EPHB1: variants seen among roughly 807,000 people sequenced by gnomAD.
EPHB1 encodes ephrin type-B receptor 1.
Under a neutral mutation model 94.4 loss-of-function variants are expected in EPHB1, and 30 were observed. That is an observed-to-expected ratio of 0.32 (90% confidence interval 0.24 to 0.43). The LOEUF is 0.43. Among genes scored for constraint, EPHB1 ranks in the 20% least tolerant of loss-of-function variants. The pLI is 1.00. For missense variants in EPHB1, 1,055 were observed against 1,308.3 expected, an observed-to-expected ratio of 0.81 and a Z score of 2.99; for synonymous variants, 522 against 489.1, an observed-to-expected ratio of 1.07 and a Z score of -0.89.
intron 1 of EPHB1, among the ~76,000 whole-genome samples, chr3:134,893,719 C>G (rs1385272942): frequency 6.6e-6 from 1 of 152,214 alleles, no homozygotes; most frequent in Non-Finnish European, 1.5e-5. Context: ...CAAACCAGGG[C>G]CCCCATTATC....
At chr3:135,035,650 A>G (rs945604414) in intron 3 of EPHB1, among the ~76,000 whole-genome samples, 5 of 152,110 alleles carry the variant, frequency 3.3e-5, no homozygotes, top group African/African-American at 1.2e-4. Context: ...ACTCATTTTC[A>G]TGGGTCTGGC....
At chr3:134,956,726 A>G (rs1002495272) in intron 3 of EPHB1, among the ~76,000 whole-genome samples, 2 of 152,126 alleles carry the variant, frequency 1.3e-5, no homozygotes, top group African/African-American at 4.8e-5. Context: ...GTGTGTGAAA[A>G]TGGATATGAG....
At chr3:134,938,476 C>T (rs192202163) in intron 2 of EPHB1, among the ~76,000 whole-genome samples, 98 of 152,298 alleles carry the variant, frequency 6.4e-4, no homozygotes, top group African/African-American at 2.2e-3. Context: ...CAGGGCCTTC[C>T]GATGGTAGGC....
At chr3:134,929,286 A>G (rs548723177) in intron 2 of EPHB1, among the ~76,000 whole-genome samples, 1 of 152,272 alleles carries the variant, frequency 6.6e-6, no homozygotes, top group East Asian at 1.9e-4. Flanking sequence ...ATGAGGTTGG[A>G]AGTGAGGTTT....
chr3:135,090,928 G>A (rs933351949), intron 3 of EPHB1, among the ~76,000 whole-genome samples: 1 of 152,192 alleles, frequency 6.6e-6, no homozygotes, highest in African/African-American at 2.4e-5. Context: ...GGAGAAGCTG[G>A]AAATTCCACT....
rs1372270108 is a variant in EPHB1, at chr3:135,201,489, T to C, written c.2146T>C (p.Phe716Leu). 6.2e-7 allele frequency: 1 copy of C among 1,613,936 alleles called. No individual in the cohort carries two copies. Among genetic ancestry groups the C allele is most frequent in the Admixed American group, 1.7e-5 (1 of 60,006 alleles). The change falls in exon 12 of 16, where the codon TTC becomes CTC. Residue 716 changes from phenylalanine to leucine, a missense_variant. Transcript: ENST00000398015. Reference sequence around the variant, plus strand: ...CTTATTACAGCAAAATGACGGGCAGTTCACCGTGATCCAGCTTGTGGGTAT... The same window carrying C: ...CTTATTACAGCAAAATGACGGGCAGCTCACCGTGATCCAGCTTGTGGGTAT... ...DSFLRQNDGQFTVIQLVGMLR... is the reference protein window; with the variant it reads ...DSFLRQNDGQLTVIQLVGMLR...
intron 12 of EPHB1, among the ~76,000 whole-genome samples, chr3:135,239,447 G>A (rs1042985654): frequency 4.6e-5 from 7 of 152,134 alleles, no homozygotes; most frequent in Non-Finnish European, 8.8e-5. Context: ...GGAGGGGAGT[G>A]AGGGAGCTGC....
At chr3:135,166,205 A>G (rs1327585365) in intron 8 of EPHB1, 129 bp downstream of exon 8, 262 of 669,592 alleles carry the variant, frequency 3.9e-4, no homozygotes, top group South Asian at 5.6e-5. Context: ...ATCTCAATCC[A>G]AGAGCAGCCT....
chr3:134,969,149 G>A (rs1008819869), intron 3 of EPHB1, among the ~76,000 whole-genome samples: 1 of 152,138 alleles, frequency 6.6e-6, no homozygotes, highest in Non-Finnish European at 1.5e-5. Flanking sequence ...AGTTTCAGTT[G>A]TTCTGCCTTT....
chr3:134,861,344 A>G (rs561228322), intron 1 of EPHB1, among the ~76,000 whole-genome samples: 1 of 152,324 alleles, frequency 6.6e-6, no homozygotes, highest in Non-Finnish European at 1.5e-5. Flanking sequence ...AGAGAGAGCA[A>G]TGGCCAGGAG....
intron 1 of EPHB1, among the ~76,000 whole-genome samples, chr3:134,923,447 G>A (rs576401248): frequency 2.5e-4 from 38 of 152,210 alleles, no homozygotes; most frequent in African/African-American, 8.7e-4. Context: ...GTCACCACTG[G>A]GTGCTCCCAG....
intron 1 of EPHB1, among the ~76,000 whole-genome samples, chr3:134,869,978 G>T (rs1292714614): frequency 1.3e-5 from 2 of 152,184 alleles, no homozygotes; most frequent in East Asian, 3.8e-4. Context: ...GGCTATTCTC[G>T]AGCCATTGCA....
chr3:135,113,536 G>A (rs781016998), intron 4 of EPHB1, among the ~76,000 whole-genome samples: 61 of 152,134 alleles, frequency 4.0e-4, no homozygotes, highest in Non-Finnish European at 7.9e-4. Flanking sequence ...GGCAGAGGCG[G>A]TCATGCCACT....
At chr3:135,197,465 C>G (rs1329188572) in intron 11 of EPHB1, among the ~76,000 whole-genome samples, 13 of 152,178 alleles carry the variant, frequency 8.5e-5, no homozygotes. Flanking sequence ...CCTGTTAACT[C>G]AATTTTCCAA....
At chr3:134,871,672 A>T (rs1359269727) in intron 1 of EPHB1, among the ~76,000 whole-genome samples, 1 of 152,122 alleles carries the variant, frequency 6.6e-6, no homozygotes, top group Non-Finnish European at 1.5e-5. Flanking sequence ...TACCATCTAG[A>T]CACTGATGAC....
intron 1 of EPHB1, among the ~76,000 whole-genome samples, chr3:134,917,044 T>C (rs2038588573): frequency 6.6e-6 from 1 of 152,214 alleles, no homozygotes; most frequent in Admixed American, 6.5e-5. Flanking sequence ...GTAAGTTCCA[T>C]ATTTTATTAG....
intron 3 of EPHB1, among the ~76,000 whole-genome samples, chr3:135,084,053 T>C (rs72975589): frequency 2.5e-3 from 385 of 152,286 alleles, no homozygotes; most frequent in African/African-American, 7.0e-3. Flanking sequence ...TTTTCAAGAA[T>C]AGATTTTTTT....
intron 1 of EPHB1, among the ~76,000 whole-genome samples, chr3:134,825,728 T>G (rs2036464614): frequency 6.6e-6 from 1 of 152,182 alleles, no homozygotes; most frequent in African/African-American, 2.4e-5. Flanking sequence ...GAGCTTTCTA[T>G]GCTTTCTCTG....
intron 1 of EPHB1, among the ~76,000 whole-genome samples, chr3:134,815,783 G>T (rs2036257951): frequency 6.6e-6 from 1 of 152,128 alleles, no homozygotes; most frequent in African/African-American, 2.4e-5. Context: ...TATCAGTTTT[G>T]ACCTGGGGAC....
Sources: allele counts gnomAD v4.1 joint callset (sites outside exome capture counted in the v4.1 genomes callset), GRCh38; gene constraint gnomAD v4.1.1; transcripts MANE v1.5; gene names NCBI Gene and HGNC (gene_info 2026-07-23, HGNC 2026-07-21).